Variants in SYNE1 observed in about 807,000 individuals in gnomAD.
SYNE1 encodes the protein spectrin repeat containing nuclear envelope protein 1.
In SYNE1, 616 loss-of-function variants were observed where a neutral mutation model predicts 1,111.0. The ratio of observed to expected loss-of-function variants is 0.55; its 90% confidence interval spans 0.52 to 0.59. The LOEUF is 0.59. Among genes scored for constraint, SYNE1 ranks in the 20% least tolerant of loss-of-function variants. The pLI, the probability that SYNE1 is intolerant of heterozygous loss-of-function variation, is 0.00. For missense variants in SYNE1, 10,006 were observed against 10,417.0 expected (o/e 0.96, Z 1.72); for synonymous variants, 3,855 against 3,825.8 (o/e 1.01, Z -0.28).
At chr6:152,501,604 G>A (rs953270293) in intron 10 of SYNE1, among the ~76,000 whole-genome samples, 1 of 152,062 alleles carries the variant, frequency 6.6e-6, no homozygotes, top group Non-Finnish European at 1.5e-5. Flanking sequence ...GCATGGTGAT[G>A]TGCAACTGAA....
chr6:152,382,667 AT>A (rs1205484596), intron 55 of SYNE1, among the ~76,000 whole-genome samples: 1 of 152,198 alleles, frequency 6.6e-6, no homozygotes. Flanking sequence ...GAAGAAAAAA[AT>A]CTAACTTTTT....
At chr6:152,263,225 C>A (rs754337216) in intron 100 of SYNE1, among the ~76,000 whole-genome samples, 4 of 140,050 alleles carry the variant, frequency 2.9e-5, no homozygotes, top group Non-Finnish European at 4.7e-5. Context: ...TAGGAAGGAT[C>A]GTATAGAGCC....
chr6:152,370,625 C>T (rs1171255476), intron 59 of SYNE1, among the ~76,000 whole-genome samples: 1 of 152,188 alleles, frequency 6.6e-6, no homozygotes, highest in East Asian at 1.9e-4. Context: ...TCTGCATCTA[C>T]TGTCTCTTAC....
At chr6:152,244,054 C>T (rs192504739) in intron 106 of SYNE1, among the ~76,000 whole-genome samples, 81 of 152,264 alleles carry the variant, frequency 5.3e-4, no homozygotes, top group Admixed American at 5.2e-3. Context: ...AGAATTGAAA[C>T]AATGTCTCTA....
chr6:152,576,413 T>A (rs1204289834), intron 3 of SYNE1, among the ~76,000 whole-genome samples: 1 of 152,188 alleles, frequency 6.6e-6, no homozygotes, highest in Admixed American at 6.5e-5. Context: ...CAAGAGTACA[T>A]TATACTCAAA....
chr6:152,628,192 C>A, intron 3 of SYNE1, 73 bp downstream of exon 3: 1 of 1,538,134 alleles, frequency 6.5e-7, no homozygotes, highest in Non-Finnish European at 9.0e-7. Context: ...AGTAAAACCC[C>A]AAACAAATTT....
At chr6:152,437,005 G>GAA (rs1199684617) in intron 32 of SYNE1, among the ~76,000 whole-genome samples, 1 of 143,134 alleles carries the variant, frequency 7.0e-6, no homozygotes, top group African/African-American at 2.6e-5. Flanking sequence ...CATCTCTAGG[G>GAA]AAAAAAAAAA....
At chr6:152,325,841 T>C (rs2096054064) in intron 80 of SYNE1, 117 bp downstream of exon 80, 11 of 1,212,164 alleles carry the variant, frequency 9.1e-6, no homozygotes, top group Non-Finnish European at 1.1e-5. Flanking sequence ...TGTTGTTAAA[T>C]GCATCCTTAT....
intron 144 of SYNE1, 34 bp downstream of exon 144, chr6:152,132,088 A>G (rs202189180): frequency 9.0e-5 from 143 of 1,592,024 alleles, no homozygotes; most frequent in Admixed American, 2.2e-4. Flanking sequence ...GTTCACTCCC[A>G]TGGGCCAACT....
intron 131 of SYNE1, among the ~76,000 whole-genome samples, chr6:152,162,170 C>T (rs2062648656): frequency 6.6e-6 from 1 of 152,232 alleles, no homozygotes. Context: ...TTCCATTTTA[C>T]AGCTCAATAG....
Position 152,399,653 on chromosome 6 carries a change from C to T in SYNE1, c.7200G>A (p.Gln2400=). 6.2e-7 allele frequency: 1 copy of T among 1,614,118 alleles called. No homozygotes were observed. ...EAVSQLCSKT[Q]ASLQESLEKH... ...TTTCCAGAGATTCCTGCAGGCTGGC[C>T]TGGGTTTTGGAGCACAACTGGCTCA... is the stretch of plus-strand genomic sequence containing the variant. Residue 2400 remains glutamine (Q), a synonymous_variant, in exon 48 of 146, where the codon CAG becomes CAA. Coordinates refer to ENST00000367255, the MANE Select transcript of SYNE1 (RefSeq NM_182961.4).
intron 133 of SYNE1, 93 bp from the exon 134 acceptor site, chr6:152,152,234 G>A: frequency 8.8e-7 from 1 of 1,133,262 alleles, no homozygotes; most frequent in Non-Finnish European, 1.3e-6. Flanking sequence ...CTGGGAGAAT[G>A]GGAAGTTACA....
chr6:152,485,934 C>T (rs1247493340), intron 12 of SYNE1, among the ~76,000 whole-genome samples: 1 of 152,162 alleles, frequency 6.6e-6, no homozygotes, highest in Non-Finnish European at 1.5e-5. Flanking sequence ...CGGTGGCTCA[C>T]ACCTGTAACC....
Position 152,330,050 on chromosome 6 carries a change from A to T in SYNE1, c.14635T>A (p.Cys4879Ser). Residue 4879 changes from cysteine to serine, a missense_variant, in exon 78 of 146, where the codon TGT (cysteine) becomes AGT (serine). By Grantham distance (112) the Cys-to-Ser change is moderately radical. Coordinates refer to ENST00000367255, the MANE Select transcript of SYNE1 (RefSeq NM_182961.4). ...ATACTCTGCACCATTCGGCTCTCAC[A>T]TTCTGTCACCGTCTCACCAATGGCA... is the stretch of plus-strand genomic sequence containing the variant. ...TSAIGETVTE[C>S]ESRMVQSIDF... 1.2e-6 allele frequency: 2 copies of T among 1,614,068 alleles called. No homozygotes were observed. Among genetic ancestry groups the T allele is most frequent in the South Asian group, 2.2e-5 (2 of 91,074 alleles).
chr6:152,273,049 T>C (rs2093327601), intron 98 of SYNE1, among the ~76,000 whole-genome samples: 1 of 152,220 alleles, frequency 6.6e-6, no homozygotes, highest in Non-Finnish European at 1.5e-5. Context: ...GGGAACTTCA[T>C]TAGATGAAAG....
At chr6:152,518,937 T>C (rs1412368492) in intron 6 of SYNE1, among the ~76,000 whole-genome samples, 5 of 145,904 alleles carry the variant, frequency 3.4e-5, no homozygotes, top group Non-Finnish European at 7.5e-5. Flanking sequence ...AATTGAACAA[T>C]GAGAGCACAT....
At chr6:152,276,796 G>C (rs1259316094) in intron 98 of SYNE1, among the ~76,000 whole-genome samples, 1 of 151,978 alleles carries the variant, frequency 6.6e-6, no homozygotes, top group Admixed American at 6.6e-5. Flanking sequence ...TGCTTATAGG[G>C]TTGGGGCAGC....
chr6:152,434,054 T>A, intron 33 of SYNE1, 109 bp from the exon 34 acceptor site: 3 of 1,077,984 alleles, frequency 2.8e-6, no homozygotes, highest in Non-Finnish European at 4.0e-6. Context: ...TTTGTGACCA[T>A]TTCAAAGTTG....
At chr6:152,509,248 C>CTTTTTTTTTTTTTTTTTTTTTTT (rs11305679) in intron 8 of SYNE1, among the ~76,000 whole-genome samples, 1 of 75,792 alleles carries the variant, frequency 1.3e-5, no homozygotes, top group Non-Finnish European at 2.6e-5. Flanking sequence ...TTTTCTTTTT[C>CTTTTTTTTTTTTTTTTTTTTTTT]TTTTTTTTTT....
Sources: gnomAD v4.1 joint callset for allele counts (sites outside exome capture counted in the v4.1 genomes callset) on GRCh38, gnomAD v4.1.1 for gene constraint, MANE v1.5 for transcripts, NCBI Gene and HGNC (gene_info 2026-07-23, HGNC 2026-07-21) for gene names.